The following LOXHD1 variants were observed in gnomAD, a reference collection of about 807,000 sequenced individuals.
The protein encoded by LOXHD1 is lipoxygenase homology PLAT domains 1.
Under a neutral mutation model 248.2 loss-of-function variants are expected in LOXHD1, and 205 were observed. The observed-to-expected ratio is 0.83, with a 90% CI of 0.74 to 0.93. LOXHD1 has a LOEUF of 0.93. Among genes scored for constraint, LOXHD1 ranks in the 40% least tolerant of loss-of-function variants. LOXHD1 has a pLI of 0.00. For synonymous variants in LOXHD1, 1,113 were observed against 1,162.8 expected, an observed-to-expected ratio of 0.96 and a Z score of 0.87; for missense variants, 2,930 against 2,971.6, an observed-to-expected ratio of 0.99 and a Z score of 0.33.
chr18:46,552,928 T>C (rs1406521624), intron 21 of LOXHD1, among the ~76,000 whole-genome samples: 2 of 152,098 alleles, frequency 1.3e-5, no homozygotes, highest in Non-Finnish European at 2.9e-5. Context: ...CTGCATCACA[T>C]TTTTTCAACC....
chr18:46,490,943 G>A (rs1177045573), intron 37 of LOXHD1, among the ~76,000 whole-genome samples: 5 of 152,164 alleles, frequency 3.3e-5, no homozygotes, highest in Admixed American at 1.3e-4. Flanking sequence ...GCTGGCTGTC[G>A]AAGATTGAAC....
intron 17 of LOXHD1, among the ~76,000 whole-genome samples, chr18:46,565,849 G>C (rs895543592): frequency 1.3e-5 from 2 of 152,062 alleles, no homozygotes; most frequent in Non-Finnish European, 2.9e-5. Flanking sequence ...ATCCACCGAT[G>C]CACAACCCAT....
chr18:46,581,902 T>C (rs192531637), intron 12 of LOXHD1, among the ~76,000 whole-genome samples: 1 of 152,240 alleles, frequency 6.6e-6, no homozygotes, highest in African/African-American at 2.4e-5. Context: ...GGATGATATA[T>C]TCAATGTGCA....
Position 46,496,335 on chromosome 18 carries a change from A to G in LOXHD1, c.5879-7193T>C, listed in dbSNP as rs192227914. Among the ~76,000 whole-genome samples the G allele has an allele frequency of 5.9e-5, 9 of 152,324 alleles. No homozygotes were observed. In the East Asian group the frequency reaches 1.5e-3, roughly 26 times the overall value. ...TAAAAAAGAAATATTGAATAGACAA[A>G]AATGGTTGAAAGGTAGATTCAGAGG... is the stretch of plus-strand genomic sequence containing the variant. On this transcript the variant is annotated intron_variant, in intron 37 of 40. Transcript: ENST00000642948.
At chr18:46,531,538 T>C (rs1359862623) in intron 28 of LOXHD1, among the ~76,000 whole-genome samples, 1 of 152,048 alleles carries the variant, frequency 6.6e-6, no homozygotes, top group South Asian at 2.1e-4. Flanking sequence ...CAGGATGCTG[T>C]GTCCCCAGGG....
At chr18:46,543,527 C>A (rs1165877383) in intron 23 of LOXHD1, among the ~76,000 whole-genome samples, 3 of 152,096 alleles carry the variant, frequency 2.0e-5, no homozygotes, top group Non-Finnish European at 2.9e-5. Flanking sequence ...ATCAACCCAT[C>A]ATCTACATTA....
intron 27 of LOXHD1, chr18:46,533,856 G>T: frequency 5.2e-6 from 1 of 191,194 alleles, no homozygotes; most frequent in Non-Finnish European, 1.1e-5. Context: ...AACCCAGAAG[G>T]CAGAGCACTG....
chr18:46,485,281 G>C (rs148581369), intron 38 of LOXHD1, 130 bp from the exon 39 acceptor site: 2 of 1,019,048 alleles, frequency 2.0e-6, no homozygotes, highest in African/African-American at 3.2e-5. Context: ...GGGGGAGGCA[G>C]GTTAAAAGCA....
intron 40 of LOXHD1, among the ~76,000 whole-genome samples, chr18:46,480,636 C>A (rs1411132265): frequency 1.3e-5 from 2 of 152,036 alleles, no homozygotes; most frequent in Non-Finnish European, 2.9e-5. Context: ...GCTGCTCCTG[C>A]TAGAAAGGGG....
chr18:46,515,552 T>C (rs1466523307), intron 34 of LOXHD1, among the ~76,000 whole-genome samples: 2 of 152,212 alleles, frequency 1.3e-5, no homozygotes, highest in Admixed American at 6.5e-5. Context: ...TCAAGCAACA[T>C]TTTTGGAATT....
Position 46,521,188 on chromosome 18 carries a change from C to G in LOXHD1, c.5180G>C (p.Cys1727Ser). 6.4e-7 allele frequency: 1 copy of G among 1,551,768 alleles called. No homozygotes were observed. Among genetic ancestry groups the G allele is most frequent in the Non-Finnish European group, 8.7e-7 (1 of 1,147,022 alleles). The change falls in exon 33 of 41, where the codon TGT (cysteine) becomes TCT (serine). Residue 1727 changes from cysteine to serine, a missense_variant. Cys to Ser is a moderately radical substitution (Grantham distance 112). Transcript: ENST00000642948. ...PTQGTKYMLNCNCWLAKDRGD... is the reference protein window; with the variant it reads ...PTQGTKYMLNSNCWLAKDRGD... Reference sequence around the variant, plus strand: ...TCTGTCCTTGGCCAGCCAGCAGTTACAGTTCAACATGTACTTGGTGCCCTG... The same window carrying G: ...TCTGTCCTTGGCCAGCCAGCAGTTAGAGTTCAACATGTACTTGGTGCCCTG...
intron 10 of LOXHD1, among the ~76,000 whole-genome samples, chr18:46,592,954 G>A (rs1455207287): frequency 6.6e-6 from 1 of 152,214 alleles, no homozygotes; most frequent in Non-Finnish European, 1.5e-5. Flanking sequence ...CTACTGGGCA[G>A]TGAAACAGAC....
downstream of LOXHD1, chr18:46,477,238 G>T (rs866386525): frequency 1.3e-6 from 1 of 741,564 alleles, no homozygotes; most frequent in East Asian, 2.7e-5. Flanking sequence ...TACAGAAAAA[G>T]GAAATACAAA....
At chr18:46,594,660 G>T (rs947948914) in intron 8 of LOXHD1, among the ~76,000 whole-genome samples, 194 bp from the exon 9 acceptor site, 1 of 152,134 alleles carries the variant, frequency 6.6e-6, no homozygotes, top group Non-Finnish European at 1.5e-5. Flanking sequence ...TCCAAAGTAG[G>T]TATCACCCAT....
intron 3 of LOXHD1, 50 bp downstream of exon 3, chr18:46,641,906 C>G: frequency 2.0e-6 from 3 of 1,496,808 alleles, no homozygotes; most frequent in South Asian, 1.2e-5. Flanking sequence ...TGAAGTCAAT[C>G]CCTCACTTTC....
rs2035987849 is a variant in LOXHD1 at position 46,529,864 on chromosome 18, C to T, written c.4376-533G>A. Among the ~76,000 whole-genome samples, 3 of 152,222 alleles carry T rather than the reference C, an allele frequency of 2.0e-5. 1 individual carries two copies. The South Asian group carries it at 6.2e-4, about 32-fold the overall frequency. ...CCACTGCCACCCTCCCCTGCCCCAGCGGTTCAGGTCAACTCCTCACCGAAG... is the reference window on the plus strand; with the variant it reads ...CCACTGCCACCCTCCCCTGCCCCAGTGGTTCAGGTCAACTCCTCACCGAAG... On this transcript the variant is annotated intron_variant, in intron 28 of 40. Transcript: ENST00000642948.
chr18:46,623,376 A>C (rs2038694942), intron 4 of LOXHD1, among the ~76,000 whole-genome samples: 1 of 152,146 alleles, frequency 6.6e-6, no homozygotes, highest in Admixed American at 6.5e-5. Context: ...AGGTCAAATT[A>C]ATTTAAGCAT....
At chr18:46,489,237 T>C in intron 37 of LOXHD1, 95 bp from the exon 38 acceptor site, 1 of 1,334,516 alleles carries the variant, frequency 7.5e-7, no homozygotes, top group Non-Finnish European at 1.0e-6. Context: ...TGTGTGGCCC[T>C]GGACAAGTTA....
chr18:46,526,332 G>A (rs896057), intron 29 of LOXHD1, among the ~76,000 whole-genome samples: 10,821 of 152,298 alleles, frequency 0.071, 518 homozygotes, highest in Non-Finnish European at 0.1. Context: ...AGTGGCTATA[G>A]AGAAGAGTCA....
Sources: gnomAD v4.1 joint callset for allele counts (sites outside exome capture counted in the v4.1 genomes callset) on GRCh38, gnomAD v4.1.1 for gene constraint, MANE v1.5 for transcripts, NCBI Gene and HGNC (gene_info 2026-07-23, HGNC 2026-07-21) for gene names.